The following ADGRL3 variants were observed in gnomAD, a reference collection of about 807,000 sequenced individuals.
The protein encoded by ADGRL3 is adhesion G protein-coupled receptor L3.
Under a neutral mutation model 153.5 loss-of-function variants are expected in ADGRL3, and 62 were observed. That is an observed-to-expected ratio of 0.40 (90% confidence interval 0.33 to 0.50). The LOEUF (loss-of-function observed/expected upper bound fraction) is 0.50. Among genes scored for constraint, ADGRL3 ranks in the 20% least tolerant of loss-of-function variants. The pLI is 0.47. For synonymous variants in ADGRL3, 710 were observed against 672.5 expected (o/e 1.06, Z -0.86); for missense variants, 1,641 against 1,859.4 (o/e 0.88, Z 2.16).
At chr4:61,413,838 T>C (rs1369078502) in intron 2 of ADGRL3, among the ~76,000 whole-genome samples, 1 of 152,196 alleles carries the variant, frequency 6.6e-6, no homozygotes, top group African/African-American at 2.4e-5. Context: ...CATTGTTCCA[T>C]GAGTCTGAGG....
intron 1 of ADGRL3, among the ~76,000 whole-genome samples, chr4:61,218,370 G>T (rs1227460596): frequency 6.6e-6 from 1 of 152,058 alleles, no homozygotes; most frequent in Non-Finnish European, 1.5e-5. Context: ...GAGTGCAGCA[G>T]CACGATTATG....
At chr4:61,946,524 G>A (rs1195052063) in intron 15 of ADGRL3, among the ~76,000 whole-genome samples, 1 of 152,006 alleles carries the variant, frequency 6.6e-6, no homozygotes, top group African/African-American at 2.4e-5. Flanking sequence ...TGTTGGTTTT[G>A]ATAAAGTTTA....
At chr4:61,864,294 A>G (rs959569001) in intron 9 of ADGRL3, among the ~76,000 whole-genome samples, 3 of 152,190 alleles carry the variant, frequency 2.0e-5, no homozygotes, top group African/African-American at 7.2e-5. Context: ...AAATTGGCCC[A>G]TAAAAATAAC....
intron 17 of ADGRL3, among the ~76,000 whole-genome samples, chr4:61,967,941 T>C (rs1035096176): frequency 1.3e-5 from 2 of 152,112 alleles, no homozygotes; most frequent in Admixed American, 6.6e-5. Context: ...CTGGCAAGGA[T>C]ACTTTTGTCA....
At chr4:61,632,701 T>C (rs2093237616) in intron 5 of ADGRL3, among the ~76,000 whole-genome samples, 1 of 152,162 alleles carries the variant, frequency 6.6e-6, no homozygotes, top group Non-Finnish European at 1.5e-5. Flanking sequence ...TCTTACTAAG[T>C]GTAATTACAA....
At position 61,769,969 on chromosome 4, in the gene ADGRL3, G is replaced by T. The variant is rs529989081; in HGVS notation, c.1399+36415G>T. On this transcript the variant is annotated intron_variant, in intron 8 of 26. Transcript: ENST00000683033. Reference sequence around the variant, plus strand: ...TTTAGTTACTTCAGGCCATCTGGGCGTACAGGTGCAGGTCACAGGGGATAC... The same window carrying T: ...TTTAGTTACTTCAGGCCATCTGGGCTTACAGGTGCAGGTCACAGGGGATAC... 9.0e-4 allele frequency among the ~76,000 whole-genome samples: 137 copies of T among 152,254 alleles called. 1 individual carries two copies. Among genetic ancestry groups the T allele is most frequent in the Non-Finnish European group, 2.6e-4 (18 of 68,026 alleles).
intron 5 of ADGRL3, among the ~76,000 whole-genome samples, chr4:61,627,567 G>A (rs150392476): frequency 0.015 from 2,226 of 152,228 alleles, 62 homozygotes; most frequent in African/African-American, 0.049. Context: ...GTTGCAGTGC[G>A]CTGTGATCAT....
At chr4:61,847,701 T>TATTATATATATAATATAAAATAC (rs2098137764) in intron 9 of ADGRL3, among the ~76,000 whole-genome samples, 1 of 42,854 alleles carries the variant, frequency 2.3e-5, no homozygotes, top group Non-Finnish European at 4.3e-5. Flanking sequence ...ATATAAAATA[T>TATTATATATATAATATAAAATAC]ATTATATATA....
At chr4:61,377,479 T>A (rs1578527303) in intron 1 of ADGRL3, among the ~76,000 whole-genome samples, 1 of 152,166 alleles carries the variant, frequency 6.6e-6, no homozygotes, top group Non-Finnish European at 1.5e-5. Context: ...TATGGATCTG[T>A]TGAGTATTAC....
At chr4:61,458,717 T>C (rs2097779517) in intron 2 of ADGRL3, among the ~76,000 whole-genome samples, 2 of 151,550 alleles carry the variant, frequency 1.3e-5, no homozygotes, top group Non-Finnish European at 3.0e-5. Context: ...CTAATATTTG[T>C]GAATAAAATT....
At chr4:61,809,571 C>G (rs572576078) in intron 8 of ADGRL3, among the ~76,000 whole-genome samples, 2 of 151,756 alleles carry the variant, frequency 1.3e-5, no homozygotes, top group African/African-American at 4.8e-5. Flanking sequence ...CCTTGAGCAC[C>G]CTATTTAAAA....
intron 1 of ADGRL3, among the ~76,000 whole-genome samples, chr4:61,349,274 A>G (rs2095992032): frequency 6.6e-6 from 1 of 152,148 alleles, no homozygotes; most frequent in East Asian, 1.9e-4. Flanking sequence ...CAATATGTGG[A>G]TTTATTTCCT....
At chr4:61,931,691 T>A (rs923856050) in intron 13 of ADGRL3, among the ~76,000 whole-genome samples, 6 of 152,166 alleles carry the variant, frequency 3.9e-5, no homozygotes, top group African/African-American at 1.4e-4. Context: ...TAAATTGGTG[T>A]CATAACTCAC....
chr4:61,322,130 GGC>G lies in ADGRL3; in HGVS notation c.-239-60993_-239-60992del, dbSNP rs566442002. Among the ~76,000 whole-genome samples, 695 of 152,238 alleles carry G rather than the reference GGC, an allele frequency of 4.6e-3. 4 individuals carry two copies. The highest frequency in any genetic ancestry group is 0.016 in the African/African-American group (678 of 41,554). On this transcript the variant is annotated intron_variant, in intron 1 of 26. Transcript: ENST00000683033. Reference sequence around the variant, plus strand: ...GTCACATCTTACATGGATAACAGCAGGCAAAGAGAGAGCTTGTGCAGAGAAAC... The same window carrying G: ...GTCACATCTTACATGGATAACAGCAGAAAGAGAGAGCTTGTGCAGAGAAAC...
rs540299192 is a variant in ADGRL3, at chr4:61,292,775, GATGCTTTTT to G, written c.-239-90345_-239-90337del. ...CTTGTTTGCAAAGGTGGAGATCTTA[GATGCTTTTT>G]ATGTTCTTTTTGATGCCTATTCTCA... On this transcript the variant is annotated intron_variant, in intron 1 of 26. Transcript: ENST00000683033. Among the ~76,000 whole-genome samples the G allele has an allele frequency of 2.1e-3, 313 of 152,228 alleles. 1 individual carries two copies. Among genetic ancestry groups the G allele is most frequent in the African/African-American group, 6.5e-3 (270 of 41,552 alleles).
intron 2 of ADGRL3, among the ~76,000 whole-genome samples, chr4:61,412,764 T>G (rs934540038): frequency 1.3e-5 from 2 of 152,182 alleles, no homozygotes; most frequent in Non-Finnish European, 2.9e-5. Context: ...CTGTTCTAGA[T>G]TTTTTTATTT....
intron 8 of ADGRL3, among the ~76,000 whole-genome samples, chr4:61,781,331 C>CAAAAAAAAAAAAAAAAAAAAA (rs71281828): frequency 3.1e-5 from 2 of 64,420 alleles, no homozygotes; most frequent in African/African-American, 1.3e-4. Flanking sequence ...ATTCTGCCTC[C>CAAAAAAAAAAAAAAAAAAAAA]AAAAAAAAAA....
At chr4:61,953,450 A>T (rs1236854962) in intron 17 of ADGRL3, among the ~76,000 whole-genome samples, 2 of 152,076 alleles carry the variant, frequency 1.3e-5, no homozygotes, top group African/African-American at 4.8e-5. Context: ...TTATTCTTTT[A>T]TCCACATTTT....
chr4:61,948,613 A>G (rs567099646), intron 17 of ADGRL3, among the ~76,000 whole-genome samples: 10 of 152,264 alleles, frequency 6.6e-5, no homozygotes, highest in South Asian at 6.2e-4. Flanking sequence ...TGGTTTAGAA[A>G]GCTGGGACTG....
Sources: gnomAD v4.1 joint callset for allele counts (sites outside exome capture counted in the v4.1 genomes callset) on GRCh38, gnomAD v4.1.1 for gene constraint, MANE v1.5 for transcripts, NCBI Gene and HGNC (gene_info 2026-07-23, HGNC 2026-07-21) for gene names.